The following ASH1L variants were observed in gnomAD, a reference collection of about 807,000 sequenced individuals.
The protein encoded by ASH1L is histone-lysine N-methyltransferase ASH1L.
In ASH1L, 23 loss-of-function variants were observed where a neutral mutation model predicts 269.0. The observed-to-expected ratio is 0.09, with a 90% CI of 0.06 to 0.12. The LOEUF is 0.12. Among genes scored for constraint, ASH1L ranks in the 10% least tolerant of loss-of-function variants. ASH1L has a pLI of 1.00. For synonymous variants in ASH1L, 1,187 were observed against 1,253.5 expected, an observed-to-expected ratio of 0.95 and a Z score of 1.12; for missense variants, 2,912 against 3,567.8, an observed-to-expected ratio of 0.82 and a Z score of 4.68.
rs527871839 is a variant in ASH1L, at chr1:155,423,441, C to T, written c.5829-7518G>A. Among the ~76,000 whole-genome samples, 11 of 151,816 alleles carry T rather than the reference C, an allele frequency of 7.2e-5. 1 individual carries two copies. The highest frequency in any genetic ancestry group is 2.0e-4 in the Admixed American group (3 of 15,256). On this transcript the variant is annotated intron_variant, in intron 5 of 27. Coordinates refer to ENST00000392403, the MANE Select transcript of ASH1L (RefSeq NM_018489.3). ...TAAAATGCAAAAAATTAGCCGGGTG[C>T]GGTGGTAGTCCCAGCTACTCGGGAG...
At chr1:155,473,492 A>ATTTTTTTTTT (rs774259211) in intron 3 of ASH1L, among the ~76,000 whole-genome samples, 3 of 127,748 alleles carry the variant, frequency 2.3e-5, no homozygotes, top group African/African-American at 8.7e-5. Context: ...TAGTATTTCT[A>ATTTTTTTTTT]TTTTTTTTTT....
chr1:155,340,357 AT>A (rs1652683091), intron 25 of ASH1L, among the ~76,000 whole-genome samples: 1 of 151,910 alleles, frequency 6.6e-6, no homozygotes, highest in Non-Finnish European at 1.5e-5. Context: ...TAATTTTTGT[AT>A]TTTTAGTAGA....
chr1:155,474,560 C>G (rs1443585821), intron 3 of ASH1L, among the ~76,000 whole-genome samples: 1 of 152,094 alleles, frequency 6.6e-6, no homozygotes, highest in African/African-American at 2.4e-5. Context: ...ATTAGCCTGG[C>G]ATTGGTGGCT....
chr1:155,398,962 G>A (rs1658599920), intron 6 of ASH1L, among the ~76,000 whole-genome samples: 1 of 151,996 alleles, frequency 6.6e-6, no homozygotes, highest in Non-Finnish European at 1.5e-5. Context: ...TCAACTCCTG[G>A]GCTCAAGCGA....
intron 1 of ASH1L, among the ~76,000 whole-genome samples, chr1:155,546,683 G>A (rs1194307776): frequency 6.6e-6 from 1 of 151,656 alleles, no homozygotes; most frequent in Admixed American, 6.6e-5. Flanking sequence ...ACTTGAACTC[G>A]GGGGGCAGAG....
intron 3 of ASH1L, among the ~76,000 whole-genome samples, chr1:155,463,481 G>C (rs571297986): frequency 7.6e-4 from 116 of 152,224 alleles, no homozygotes; most frequent in Non-Finnish European, 1.6e-3. Context: ...TATTAATTGA[G>C]TCCTTAGGTT....
At chr1:155,456,136 G>C (rs147998392) in intron 4 of ASH1L, among the ~76,000 whole-genome samples, 1 of 152,152 alleles carries the variant, frequency 6.6e-6, no homozygotes, top group African/African-American at 2.4e-5. Context: ...TGAACTTTCT[G>C]AAGTTTCTGG....
At chr1:155,349,695 A>G in intron 17 of ASH1L, 99 bp from the exon 18 acceptor site, 1 of 839,754 alleles carries the variant, frequency 1.2e-6, no homozygotes, top group Non-Finnish European at 1.9e-6. Flanking sequence ...TAAAAGTGAG[A>G]GAAAAATCCA....
intron 17 of ASH1L, among the ~76,000 whole-genome samples, chr1:155,351,709 G>T (rs1421298825): frequency 6.6e-6 from 1 of 152,004 alleles, no homozygotes; most frequent in Non-Finnish European, 1.5e-5. Context: ...ACTTAGGCAG[G>T]TGTGGTGGTG....
intron 2 of ASH1L, among the ~76,000 whole-genome samples, chr1:155,516,087 A>T (rs1425791395): frequency 6.6e-6 from 1 of 152,060 alleles, no homozygotes; most frequent in Non-Finnish European, 1.5e-5. Flanking sequence ...ACCAGCAACT[A>T]CTACTTTCAG....
intron 10 of ASH1L, among the ~76,000 whole-genome samples, chr1:155,374,219 G>A (rs571742324): frequency 1.8e-4 from 27 of 152,174 alleles, no homozygotes; most frequent in Non-Finnish European, 3.5e-4. Context: ...CAGCTACTTG[G>A]GAGGCGGAGG....
chr1:155,463,403 G>T (rs1191961094), intron 3 of ASH1L, among the ~76,000 whole-genome samples: 1 of 152,096 alleles, frequency 6.6e-6, no homozygotes, highest in African/African-American at 2.4e-5. Context: ...GTCCCAAAAC[G>T]AGATAATGTA....
intron 7 of ASH1L, among the ~76,000 whole-genome samples, chr1:155,390,072 C>T (rs1016862037): frequency 3.9e-5 from 6 of 151,938 alleles, no homozygotes; most frequent in African/African-American, 1.5e-4. Flanking sequence ...TATCTTCTTC[C>T]CAATCTTAGG....
chr1:155,549,212 G>A (rs187226290), intron 1 of ASH1L, among the ~76,000 whole-genome samples: 34 of 152,178 alleles, frequency 2.2e-4, no homozygotes, highest in Non-Finnish European at 8.8e-5. Flanking sequence ...ATATTGTGTC[G>A]TGAGCCTGTA....
intron 25 of ASH1L, 127 bp from the exon 26 acceptor site, chr1:155,339,495 G>A (rs930959539): frequency 3.6e-5 from 25 of 690,730 alleles, no homozygotes; most frequent in Admixed American, 2.9e-4. Flanking sequence ...GTTTTAAGAT[G>A]AGAAATTTAG....
At chr1:155,528,758 C>T (rs1401507298) in intron 1 of ASH1L, among the ~76,000 whole-genome samples, 4 of 151,986 alleles carry the variant, frequency 2.6e-5, no homozygotes, top group African/African-American at 7.3e-5. Flanking sequence ...AGGTTTGTTA[C>T]GTGGGTAAAC....
rs561921740 is a variant in ASH1L, at chr1:155,517,840, G to A, written c.420+3260C>T. The stretch of plus-strand genomic sequence containing the variant: ...TTTTGAGACGGAGTCTCGCTCTGTC[G>A]CCCAGGCTGGAGTGCAGTGGCGGGA... On this transcript the variant is annotated intron_variant, in intron 2 of 27. Coordinates refer to ENST00000392403, the MANE Select transcript of ASH1L (RefSeq NM_018489.3). Among the ~76,000 whole-genome samples the A allele has an allele frequency of 4.4e-3, 469 of 107,638 alleles. 4 individuals are homozygous for A. Among genetic ancestry groups the A allele is most frequent in the Middle Eastern group, 0.02 (2 of 102 alleles). 70.6% of individuals were successfully genotyped at this position (107,638 alleles called of 152,430 possible).
chr1:155,434,077 G>A (rs1661868888), intron 5 of ASH1L: 2 of 1,591,938 alleles, frequency 1.3e-6, no homozygotes, highest in Non-Finnish European at 1.7e-6. Context: ...AGGATTTTGA[G>A]GCTGCTGGGT....
rs1027506261 is a variant in ASH1L at position 155,343,711 on chromosome 1, C to T, written c.8013G>A (p.Arg2671=). ...GGACCGGGTGGCCATCAGGGGTGCG[C>T]CGACTATCCCTCATCAGATACACAC... is the stretch of plus-strand genomic sequence containing the variant. ...GDCVYLMRDS[R]RTPDGHPVRQ... Residue 2671 remains arginine, a synonymous_variant, in exon 23 of 28, where the codon CGG becomes CGA. Coordinates refer to ENST00000392403, the MANE Select transcript of ASH1L (RefSeq NM_018489.3). This position sits in a 1 kb window ranked among gnomAD's most constrained non-coding sequence, Gnocchi z 6.1. 3 of 1,614,122 alleles carry T rather than the reference C, an allele frequency of 1.9e-6. No homozygotes were observed. The highest frequency in any genetic ancestry group is 2.5e-6 in the Non-Finnish European group (3 of 1,180,016).
Sources: allele counts gnomAD v4.1 joint callset (sites outside exome capture counted in the v4.1 genomes callset), GRCh38; gene constraint gnomAD v4.1.1; non-coding constraint Gnocchi (gnomAD v3.1); transcripts MANE v1.5; gene names NCBI Gene and HGNC (gene_info 2026-07-23, HGNC 2026-07-21).